The following NRXN3 variants were observed in gnomAD, a reference collection of about 807,000 sequenced individuals.
NRXN3 encodes neurexin III.
NRXN3 carries 32 observed loss-of-function variants against 137.6 expected under a neutral mutation model. The ratio of observed to expected loss-of-function variants is 0.23; its 90% CI spans 0.18 to 0.31. NRXN3 has a LOEUF of 0.31. NRXN3 is among the 10% of genes least tolerant of loss of function. NRXN3 has a pLI of 1.00. For missense variants in NRXN3, 1,574 were observed against 2,062.5 expected (o/e 0.76, Z 4.59); for synonymous variants, 798 against 784.5 (o/e 1.02, Z -0.29).
chr14:79,288,572 T>G (rs181522772), intron 15 of NRXN3, among the ~76,000 whole-genome samples: 1 of 152,308 alleles, frequency 6.6e-6, no homozygotes, highest in East Asian at 1.9e-4. Context: ...TCAGAGAGGT[T>G]AAGTGGCTTG....
At chr14:79,145,283 TGA>T (rs2059190736) in intron 15 of NRXN3, among the ~76,000 whole-genome samples, 1 of 152,198 alleles carries the variant, frequency 6.6e-6, no homozygotes, top group South Asian at 2.1e-4. Context: ...AAAATTTCCC[TGA>T]GCCACTTAAA....
At chr14:78,319,169 A>C (rs1324826342) in intron 4 of NRXN3, among the ~76,000 whole-genome samples, 1 of 152,220 alleles carries the variant, frequency 6.6e-6, no homozygotes, top group East Asian at 1.9e-4. Context: ...CCTTGGAAGT[A>C]GATGGGAGAG....
At chr14:78,292,000 T>C (rs940324907) in intron 3 of NRXN3, among the ~76,000 whole-genome samples, 2 of 152,194 alleles carry the variant, frequency 1.3e-5, no homozygotes, top group Admixed American at 1.3e-4. Flanking sequence ...GAAAGAAGAA[T>C]GGATTTGAAA....
At chr14:78,772,311 A>G (rs1475254735) in intron 8 of NRXN3, among the ~76,000 whole-genome samples, 1 of 152,216 alleles carries the variant, frequency 6.6e-6, no homozygotes, top group Non-Finnish European at 1.5e-5. Context: ...TAGTATATAG[A>G]TGGGGCAAAA....
At chr14:78,986,927 G>T (rs978507950) in intron 14 of NRXN3, among the ~76,000 whole-genome samples, 1 of 149,280 alleles carries the variant, frequency 6.7e-6, no homozygotes, top group East Asian at 2.0e-4. Context: ...GGAGGCTGAG[G>T]CAGGAGAATT....
intron 16 of NRXN3, among the ~76,000 whole-genome samples, chr14:79,539,068 G>A (rs1420192651): frequency 1.3e-5 from 2 of 152,126 alleles, no homozygotes; most frequent in African/African-American, 4.8e-5. Flanking sequence ...TTTGTTGGTT[G>A]GTTGGTTTTG....
At chr14:78,553,414 T>G (rs2096710690) in intron 4 of NRXN3, among the ~76,000 whole-genome samples, 1 of 152,108 alleles carries the variant, frequency 6.6e-6, no homozygotes, top group Non-Finnish European at 1.5e-5. Flanking sequence ...CCCCACTGAG[T>G]TTAAGACCCA....
intron 4 of NRXN3, among the ~76,000 whole-genome samples, chr14:78,547,339 G>A (rs1191228707): frequency 6.6e-6 from 1 of 151,934 alleles, no homozygotes; most frequent in African/African-American, 2.4e-5. Context: ...CCAAGCAGCT[G>A]GGATTACAGG....
intron 4 of NRXN3, among the ~76,000 whole-genome samples, chr14:78,306,681 T>C (rs1386953470): frequency 6.6e-6 from 1 of 152,138 alleles, no homozygotes; most frequent in Non-Finnish European, 1.5e-5. Flanking sequence ...TGTTTTTATG[T>C]GTAGTTGCCA....
chr14:79,554,187 G>A (rs1036816451), intron 16 of NRXN3, among the ~76,000 whole-genome samples: 5 of 152,150 alleles, frequency 3.3e-5, no homozygotes, highest in African/African-American at 1.2e-4. Context: ...TGGTCAGTTA[G>A]CCAAAGGACA....
intron 4 of NRXN3, among the ~76,000 whole-genome samples, chr14:78,522,563 C>A (rs1241170809): frequency 1.3e-5 from 2 of 151,902 alleles, no homozygotes; most frequent in African/African-American, 4.8e-5. Context: ...ATCTTTTTTT[C>A]CTTTGCACCA....
chr14:79,563,907 G>A (rs950292073), intron 16 of NRXN3, among the ~76,000 whole-genome samples: 1 of 151,958 alleles, frequency 6.6e-6, no homozygotes, highest in Admixed American at 6.6e-5. Context: ...GACTTATCTT[G>A]GTAGGGAGCC....
chr14:78,456,799 C>CCCTTTCTTTCTTTCTT (rs1555539841), intron 4 of NRXN3, among the ~76,000 whole-genome samples: 2 of 97,620 alleles, frequency 2.0e-5, no homozygotes, highest in South Asian at 4.3e-4. Flanking sequence ...CTCTCTTTCT[C>CCCTTTCTTTCTTTCTT]TCTTTCTTTC....
chr14:79,077,755 A>C (rs1160745094), intron 15 of NRXN3, among the ~76,000 whole-genome samples: 5 of 152,186 alleles, frequency 3.3e-5, no homozygotes, highest in African/African-American at 4.8e-5. Context: ...ATAGGCCATA[A>C]ATTATTATTA....
At chr14:78,179,329 A>T (rs2059569110) in intron 1 of NRXN3, among the ~76,000 whole-genome samples, 1 of 152,140 alleles carries the variant, frequency 6.6e-6, no homozygotes, top group Non-Finnish European at 1.5e-5. Context: ...AGGGAATAGG[A>T]GAAGAACAGT....
chr14:79,229,993 G>A (rs1328809937), intron 15 of NRXN3, among the ~76,000 whole-genome samples: 1 of 152,102 alleles, frequency 6.6e-6, no homozygotes, highest in East Asian at 1.9e-4. Flanking sequence ...AGTAGAGAAT[G>A]ATCCTGTTAG....
At chr14:79,498,941 T>C (rs959433663) in intron 16 of NRXN3, among the ~76,000 whole-genome samples, 1 of 152,192 alleles carries the variant, frequency 6.6e-6, no homozygotes, top group Non-Finnish European at 1.5e-5. Context: ...CACACCATTA[T>C]GCCCAGTTAA....
At chr14:79,601,646 C>T (rs747505624) in intron 16 of NRXN3, among the ~76,000 whole-genome samples, 7 of 152,170 alleles carry the variant, frequency 4.6e-5, no homozygotes, top group Non-Finnish European at 7.3e-5. Flanking sequence ...GGCCAGTGCC[C>T]TTGCTTGGAG....
chr14:79,781,026 T>G (rs1375589091), intron 19 of NRXN3, among the ~76,000 whole-genome samples: 1 of 146,632 alleles, frequency 6.8e-6, no homozygotes, highest in African/African-American at 2.5e-5. Context: ...CATTGAAACT[T>G]CTGGCTCATA....
Sources: gnomAD v4.1 joint callset for allele counts (sites outside exome capture counted in the v4.1 genomes callset) on GRCh38, gnomAD v4.1.1 for gene constraint, MANE v1.5 for transcripts, NCBI Gene and HGNC (gene_info 2026-07-23, HGNC 2026-07-21) for gene names.